GMDS: variants seen among roughly 807,000 people sequenced by gnomAD.
GMDS encodes GDP-mannose 4,6 dehydratase.
GMDS carries 20 observed loss-of-function variants against 49.9 expected under a neutral mutation model. The observed-to-expected ratio is 0.40, with a 90% CI of 0.28 to 0.58. The LOEUF is 0.58. Among genes scored for constraint, GMDS ranks in the 20% least tolerant of loss-of-function variants. The pLI is 0.42. For missense variants in GMDS, 362 were observed against 481.4 expected (o/e 0.75, Z 2.32); for synonymous variants, 177 against 178.6 (o/e 0.99, Z 0.07).
intron 4 of GMDS, among the ~76,000 whole-genome samples, chr6:2,050,898 G>A (rs1416605804): frequency 6.6e-6 from 1 of 152,116 alleles, no homozygotes; most frequent in Non-Finnish European, 1.5e-5. Context: ...ACTCATAGGT[G>A]GGAAATGAAT....
At chr6:2,067,017 A>C (rs1390414858) in intron 4 of GMDS, among the ~76,000 whole-genome samples, 1 of 151,632 alleles carries the variant, frequency 6.6e-6, no homozygotes, top group Non-Finnish European at 1.5e-5. Flanking sequence ...GTTGGAAGTA[A>C]AGCTCTCCTC....
At chr6:2,101,189 C>A (rs1301969372) in intron 4 of GMDS, among the ~76,000 whole-genome samples, 1 of 151,018 alleles carries the variant, frequency 6.6e-6, no homozygotes, top group African/African-American at 2.4e-5. Context: ...AATCTCTGAC[C>A]AGATAAGGGT....
intron 7 of GMDS, among the ~76,000 whole-genome samples, chr6:1,768,024 G>C (rs904224171): frequency 6.6e-6 from 1 of 151,930 alleles, no homozygotes; most frequent in African/African-American, 2.4e-5. Flanking sequence ...CATAATAAAG[G>C]TAAAAAGTGG....
chr6:1,830,932 C>A (rs1048403895), intron 7 of GMDS, among the ~76,000 whole-genome samples: 2 of 152,178 alleles, frequency 1.3e-5, no homozygotes, highest in Admixed American at 6.5e-5. Flanking sequence ...TCCTTCCATT[C>A]ATGTCTAGGA....
At chr6:2,053,305 G>A (rs1385995054) in intron 4 of GMDS, among the ~76,000 whole-genome samples, 1 of 152,028 alleles carries the variant, frequency 6.6e-6, no homozygotes, top group Non-Finnish European at 1.5e-5. Flanking sequence ...GTCTTACAGT[G>A]ATTCTATTTG....
chr6:1,900,411 A>G (rs755313499), intron 7 of GMDS, among the ~76,000 whole-genome samples: 35 of 152,170 alleles, frequency 2.3e-4, no homozygotes, highest in Non-Finnish European at 5.0e-4. Context: ...AATGAAATCC[A>G]TCTTTTTATA....
chr6:2,036,532 A>G (rs1444058603), intron 4 of GMDS, among the ~76,000 whole-genome samples: 3 of 152,212 alleles, frequency 2.0e-5, no homozygotes, highest in East Asian at 3.9e-4. Context: ...AGGCTTTAGC[A>G]ATCCATACAA....
At chr6:1,874,927 G>A (rs964559774) in intron 7 of GMDS, among the ~76,000 whole-genome samples, 2 of 152,144 alleles carry the variant, frequency 1.3e-5, no homozygotes, top group African/African-American at 4.8e-5. Flanking sequence ...AAACCCCAAT[G>A]TTTGGAAATA....
At chr6:2,072,167 C>T (rs188797767) in intron 4 of GMDS, among the ~76,000 whole-genome samples, 310 of 152,224 alleles carry the variant, frequency 2.0e-3, no homozygotes, top group African/African-American at 7.4e-3. Context: ...TTTTCCTTTA[C>T]ACAGTAGGAA....
chr6:1,876,795 C>G (rs540335189), intron 7 of GMDS, among the ~76,000 whole-genome samples: 1 of 152,212 alleles, frequency 6.6e-6, no homozygotes, highest in African/African-American at 2.4e-5. Flanking sequence ...ATGTTTCCTT[C>G]CTTTTTGATT....
chr6:1,700,750 C>T (rs992785115), intron 9 of GMDS, among the ~76,000 whole-genome samples: 1 of 152,138 alleles, frequency 6.6e-6, no homozygotes, highest in Admixed American at 6.5e-5. Flanking sequence ...CAGCACACCT[C>T]GCGCTGTCCC....
intron 7 of GMDS, among the ~76,000 whole-genome samples, chr6:1,897,347 C>T (rs1760253784): frequency 6.6e-6 from 1 of 152,154 alleles, no homozygotes; most frequent in Non-Finnish European, 1.5e-5. Context: ...TAACTTATCT[C>T]CAAATACGGT....
At chr6:1,709,845 T>C (rs1765883665) in intron 9 of GMDS, among the ~76,000 whole-genome samples, 1 of 152,192 alleles carries the variant, frequency 6.6e-6, no homozygotes, top group Non-Finnish European at 1.5e-5. Flanking sequence ...CAAATGTCTC[T>C]TCTCTCAACA....
At chr6:2,059,802 A>G (rs1771034384) in intron 4 of GMDS, among the ~76,000 whole-genome samples, 1 of 150,932 alleles carries the variant, frequency 6.6e-6, no homozygotes, top group Non-Finnish European at 1.5e-5. Context: ...ACCAACCCCA[A>G]ATATATAATA....
At chr6:1,792,149 A>G (rs1017207535) in intron 7 of GMDS, among the ~76,000 whole-genome samples, 27 of 152,108 alleles carry the variant, frequency 1.8e-4, no homozygotes, top group African/African-American at 6.3e-4. Context: ...TAGTTTCTAT[A>G]TAAATATTAT....
chr6:1,800,339 T>C (rs72841929), intron 7 of GMDS, among the ~76,000 whole-genome samples: 2,155 of 152,316 alleles, frequency 0.014, 24 homozygotes, highest in Non-Finnish European at 0.021. Flanking sequence ...GTTTACTAAT[T>C]TGTAAAAAGT....
chr6:2,054,106 T>G (rs1770645492), intron 4 of GMDS, among the ~76,000 whole-genome samples: 1 of 152,102 alleles, frequency 6.6e-6, no homozygotes, highest in Admixed American at 6.6e-5. Flanking sequence ...AAGCAAGAGT[T>G]GTAAACCTCC....
intron 7 of GMDS, among the ~76,000 whole-genome samples, chr6:1,892,064 T>C (rs1466496435): frequency 6.6e-6 from 1 of 152,180 alleles, no homozygotes; most frequent in Non-Finnish European, 1.5e-5. Flanking sequence ...CTATAAATAA[T>C]ATACTTGCTT....
chr6:2,105,181 C>CAAA (rs530164439), intron 4 of GMDS, among the ~76,000 whole-genome samples: 102 of 64,358 alleles, frequency 1.6e-3, no homozygotes, highest in African/African-American at 2.5e-3. Flanking sequence ...GACTCCGTCT[C>CAAA]AAAAAAAAAA....
Sources: gnomAD v4.1 joint callset for allele counts (sites outside exome capture counted in the v4.1 genomes callset) on GRCh38, gnomAD v4.1.1 for gene constraint, MANE v1.5 for transcripts, NCBI Gene and HGNC (gene_info 2026-07-23, HGNC 2026-07-21) for gene names.